PDE10A: variants seen among roughly 807,000 people sequenced by gnomAD.
PDE10A encodes the protein cAMP and cAMP-inhibited cGMP 3',5'-cyclic phosphodiesterase 10A.
A neutral mutation model predicts 97.7 loss-of-function variants in PDE10A; 39 were observed. That is an observed-to-expected ratio of 0.40 (90% CI 0.31 to 0.52). The LOEUF (loss-of-function observed/expected upper bound fraction) is 0.52. PDE10A is among the 20% of genes least tolerant of loss of function. PDE10A has a pLI of 0.56. For missense variants in PDE10A, 731 were observed against 1,047.8 expected, an observed-to-expected ratio of 0.70 and a Z score of 4.17; for synonymous variants, 371 against 376.8, an observed-to-expected ratio of 0.98 and a Z score of 0.18.
intron 1 of PDE10A, among the ~76,000 whole-genome samples, chr6:165,597,303 CT>C (rs1447884196): frequency 4.2e-5 from 6 of 143,874 alleles, no homozygotes; most frequent in Middle Eastern, 3.3e-3. Flanking sequence ...GAAAATTATC[CT>C]GGTGGATTAA....
At chr6:165,814,758 C>A (rs1378794467) in intron 1 of PDE10A, among the ~76,000 whole-genome samples, 3 of 152,050 alleles carry the variant, frequency 2.0e-5, no homozygotes, top group African/African-American at 7.2e-5. Context: ...GTCAAATGAA[C>A]AACAGCCCAG....
intron 1 of PDE10A, among the ~76,000 whole-genome samples, chr6:165,811,464 A>C (rs1449349162): frequency 1.3e-5 from 2 of 152,166 alleles, no homozygotes; most frequent in Non-Finnish European, 2.9e-5. Flanking sequence ...TTTCCCCTGA[A>C]TAAACAGCAT....
intron 5 of PDE10A, among the ~76,000 whole-genome samples, chr6:165,448,214 T>C (rs1447896832): frequency 2.0e-5 from 3 of 152,264 alleles, no homozygotes; most frequent in Non-Finnish European, 2.9e-5. Context: ...ATTAAACTTA[T>C]GAATATTAGC....
intron 1 of PDE10A, among the ~76,000 whole-genome samples, chr6:165,568,357 T>C (rs902947209): frequency 1.3e-5 from 2 of 152,126 alleles, no homozygotes; most frequent in African/African-American, 4.8e-5. Context: ...CGGTTTCACT[T>C]TCTGCAGTTT....
intron 13 of PDE10A, among the ~76,000 whole-genome samples, chr6:165,404,373 A>G (rs1258626227): frequency 6.6e-6 from 1 of 151,856 alleles, no homozygotes; most frequent in African/African-American, 2.4e-5. Flanking sequence ...TGAACTGAGA[A>G]CTCCATAAGC....
intron 10 of PDE10A, among the ~76,000 whole-genome samples, chr6:165,426,147 A>C (rs1386541943): frequency 1.3e-5 from 2 of 152,266 alleles, no homozygotes; most frequent in East Asian, 1.9e-4. Context: ...GATTCAACAT[A>C]ATTCCTATCA....
At chr6:165,782,245 C>T (rs1290709426) in intron 1 of PDE10A, among the ~76,000 whole-genome samples, 3 of 152,234 alleles carry the variant, frequency 2.0e-5, no homozygotes, top group African/African-American at 4.8e-5. Flanking sequence ...TGGGATTTTA[C>T]TGCCATCCTC....
chr6:165,593,939 T>G (rs1004126268), intron 1 of PDE10A, among the ~76,000 whole-genome samples: 1 of 152,244 alleles, frequency 6.6e-6, no homozygotes, highest in Non-Finnish European at 1.5e-5. Context: ...GACAACATTC[T>G]TAATCAGACT....
intron 1 of PDE10A, among the ~76,000 whole-genome samples, chr6:165,652,355 A>AT (rs879632907): frequency 0.023 from 3,222 of 139,272 alleles, 87 homozygotes; most frequent in African/African-American, 0.072. Context: ...CTCCCGGGCT[A>AT]TTTTTTTTTT....
chr6:165,842,792 C>A (rs1463876262), intron 1 of PDE10A, among the ~76,000 whole-genome samples: 1 of 152,220 alleles, frequency 6.6e-6, no homozygotes, highest in Non-Finnish European at 1.5e-5. Flanking sequence ...AGAGTCATGC[C>A]TCCGAAGTTA....
chr6:165,567,051 T>C (rs565266677), intron 1 of PDE10A, among the ~76,000 whole-genome samples: 34 of 152,236 alleles, frequency 2.2e-4, no homozygotes, highest in African/African-American at 7.7e-4. Flanking sequence ...CTACCAAATA[T>C]CCGTCAACAT....
chr6:165,750,346 G>A (rs1166589231), intron 1 of PDE10A, among the ~76,000 whole-genome samples: 3 of 152,204 alleles, frequency 2.0e-5, no homozygotes, highest in Non-Finnish European at 2.9e-5. Flanking sequence ...ATCCAGTCCT[G>A]GGAATCTCCA....
intron 1 of PDE10A, among the ~76,000 whole-genome samples, chr6:165,631,647 T>A (rs948595558): frequency 1.3e-5 from 2 of 152,218 alleles, no homozygotes; most frequent in African/African-American, 4.8e-5. Context: ...AATTTGTCAT[T>A]GCAGAATAAA....
At chr6:165,775,770 C>G (rs1778162573) in intron 1 of PDE10A, 1 of 152,136 alleles carries the variant, frequency 6.6e-6, no homozygotes, top group Admixed American at 6.5e-5. Context: ...TTTGGTTTAT[C>G]TTTTAAAGCC....
intron 1 of PDE10A, among the ~76,000 whole-genome samples, chr6:165,573,940 T>G (rs913255570): frequency 2.0e-5 from 3 of 152,250 alleles, no homozygotes; most frequent in Non-Finnish European, 2.9e-5. Flanking sequence ...ATGCACCATG[T>G]GCTTCTTATC....
At chr6:165,737,363 C>T (rs1217824511) in intron 1 of PDE10A, among the ~76,000 whole-genome samples, 3 of 152,100 alleles carry the variant, frequency 2.0e-5, no homozygotes, top group African/African-American at 4.8e-5. Flanking sequence ...GCCAATATCC[C>T]CGATGAACAT....
chr6:165,722,227 C>T (rs1323821595), intron 1 of PDE10A, among the ~76,000 whole-genome samples: 2 of 152,216 alleles, frequency 1.3e-5, no homozygotes, highest in Non-Finnish European at 2.9e-5. Flanking sequence ...GGTGCAGTTT[C>T]TTGGCTGCCT....
Position 165,463,745 on chromosome 6 carries a change from G to GT in PDE10A, c.1024-13384dup, listed in dbSNP as rs1371573475. Among the ~76,000 whole-genome samples, 13 of 152,324 alleles carry GT rather than the reference G, an allele frequency of 8.5e-5. No individual in the cohort carries two copies. The East Asian group carries it at 1.5e-3, about 18-fold the overall frequency. On this transcript the variant is annotated intron_variant, in intron 3 of 21. Transcript: ENST00000539869. Reference sequence around the variant, plus strand: ...TAAACAAAATCTCTGCAGCAGCACTGTGACATGTTCATGGCCATAAAGCCC... The same window carrying GT: ...TAAACAAAATCTCTGCAGCAGCACTGTTGACATGTTCATGGCCATAAAGCCC...
chr6:165,433,014 C>T lies in PDE10A; in HGVS notation c.1451G>A (p.Arg484Gln), dbSNP rs775688420. 3 of 1,613,862 alleles carry T rather than the reference C, an allele frequency of 1.9e-6. No homozygotes were observed. Among genetic ancestry groups the T allele is most frequent in the Non-Finnish European group, 1.7e-6 (2 of 1,179,904 alleles). The change falls in exon 7 of 22, where the codon CGG becomes CAG. Residue 484 changes from arginine (R) to glutamine (Q), a missense_variant. By Grantham distance (43) the Arg-to-Gln change is conservative (BLOSUM62 1). This residue lies in a region of PDE10A where 152 missense variants were observed against 199.3 expected (regional missense o/e 0.76). Coordinates refer to ENST00000539869, the MANE Select transcript of PDE10A (RefSeq NM_001385079.1). ...ACAGAAGGCTTCTTTGCCCCAGTGC[C>T]GATACAGCTCGAGAATACCAATCAA... ...GDLIGILELYRHWGKEAFCLS... is the reference protein window; with the variant it reads ...GDLIGILELYQHWGKEAFCLS...
Sources: gnomAD v4.1 joint callset for allele counts (sites outside exome capture counted in the v4.1 genomes callset) on GRCh38, gnomAD v4.1.1 for gene constraint, gnomAD v4.1.1 regional missense constraint, MANE v1.5 for transcripts, NCBI Gene and HGNC (gene_info 2026-07-23, HGNC 2026-07-21) for gene names.